The following ARHGAP26 variants were observed in gnomAD, a reference collection of about 807,000 sequenced individuals.
ARHGAP26 encodes the protein rho GTPase-activating protein 26.
In ARHGAP26, 38 loss-of-function variants were observed where a neutral mutation model predicts 104.8. That is an observed-to-expected ratio of 0.36 (90% CI 0.28 to 0.48). The LOEUF (loss-of-function observed/expected upper bound fraction) is 0.48, where lower values mean the gene tolerates loss of function less well. Among genes scored for constraint, ARHGAP26 ranks in the 20% least tolerant of loss-of-function variants. ARHGAP26 has a pLI of 0.99. For synonymous variants in ARHGAP26, 341 were observed against 340.0 expected (o/e 1.00, Z -0.03); for missense variants, 704 against 947.9 (o/e 0.74, Z 3.38).
chr5:143,176,855 T>C (rs181464162), intron 20 of ARHGAP26, among the ~76,000 whole-genome samples: 107 of 152,332 alleles, frequency 7.0e-4, no homozygotes, highest in African/African-American at 2.5e-3. Context: ...CAGCTCATAA[T>C]CTCAGAATCC....
chr5:143,014,170 A>C, intron 12 of ARHGAP26, 54 bp downstream of exon 12: 1 of 1,598,508 alleles, frequency 6.3e-7, no homozygotes, highest in Non-Finnish European at 8.6e-7. Flanking sequence ...GTAGGCTTTG[A>C]GAAGTTGCTA....
At chr5:143,019,152 A>G (rs181638571) in intron 12 of ARHGAP26, among the ~76,000 whole-genome samples, 145 of 152,312 alleles carry the variant, frequency 9.5e-4, no homozygotes, top group African/African-American at 3.3e-3. Flanking sequence ...TCAGGAATCT[A>G]TATCAGTGAC....
intron 1 of ARHGAP26, among the ~76,000 whole-genome samples, chr5:142,785,977 ATTT>A (rs71576155): frequency 4.3e-5 from 6 of 138,444 alleles, no homozygotes; most frequent in African/African-American, 1.1e-4. Flanking sequence ...GATCCCTGGT[ATTT>A]TTTTTTTTTT....
At chr5:142,894,087 A>AAT in intron 5 of ARHGAP26, 151 bp from the exon 6 acceptor site, 1 of 591,792 alleles carries the variant, frequency 1.7e-6, no homozygotes, top group East Asian at 2.8e-5. Context: ...TGCATAGTGA[A>AAT]ATAGTTACTA....
At chr5:142,945,302 G>C (rs1341202844) in intron 11 of ARHGAP26, among the ~76,000 whole-genome samples, 1 of 152,206 alleles carries the variant, frequency 6.6e-6, no homozygotes, top group African/African-American at 2.4e-5. Flanking sequence ...TCTCAGAGAA[G>C]AGATGGAAGA....
At chr5:143,182,739 G>A (rs35596823) in intron 20 of ARHGAP26, among the ~76,000 whole-genome samples, 6,890 of 152,244 alleles carry the variant, frequency 0.045, 499 homozygotes, top group African/African-American at 0.16. Context: ...TGCTCTATGT[G>A]TGTGGTGGCC....
chr5:143,042,488 A>G (rs1465893490), intron 14 of ARHGAP26, among the ~76,000 whole-genome samples: 1 of 152,236 alleles, frequency 6.6e-6, no homozygotes, highest in African/African-American at 2.4e-5. Flanking sequence ...GCAGTATTTG[A>G]ATCAAAAGCC....
intron 1 of ARHGAP26, among the ~76,000 whole-genome samples, chr5:142,820,928 C>G (rs1380064006): frequency 2.0e-5 from 3 of 152,206 alleles, no homozygotes; most frequent in African/African-American, 4.8e-5. Context: ...GACTAGCCTT[C>G]TGTCCCTCCA....
At chr5:142,933,260 T>A (rs926156180) in intron 11 of ARHGAP26, among the ~76,000 whole-genome samples, 4 of 152,228 alleles carry the variant, frequency 2.6e-5, no homozygotes, top group African/African-American at 9.6e-5. Flanking sequence ...TATCTACCAT[T>A]TGTTGAGCAC....
At chr5:142,925,966 G>T (rs902877557) in intron 10 of ARHGAP26, among the ~76,000 whole-genome samples, 3 of 152,160 alleles carry the variant, frequency 2.0e-5, no homozygotes, top group Non-Finnish European at 2.9e-5. Flanking sequence ...GCTTTTCCTT[G>T]TCCAATAGGA....
At chr5:142,906,214 C>T (rs1001989717) in intron 8 of ARHGAP26, among the ~76,000 whole-genome samples, 3 of 152,188 alleles carry the variant, frequency 2.0e-5, no homozygotes, top group Non-Finnish European at 1.5e-5. Flanking sequence ...AAATTTTGAT[C>T]ACCCAGTCAA....
At chr5:143,094,396 G>A (rs757185459) in intron 17 of ARHGAP26, among the ~76,000 whole-genome samples, 19 of 152,126 alleles carry the variant, frequency 1.2e-4, no homozygotes, top group Non-Finnish European at 2.1e-4. Flanking sequence ...CACTGGGTGG[G>A]TCTTGATTTC....
At chr5:142,909,777 C>T (rs1410970610) in intron 9 of ARHGAP26, among the ~76,000 whole-genome samples, 3 of 152,148 alleles carry the variant, frequency 2.0e-5, no homozygotes, top group Non-Finnish European at 2.9e-5. Flanking sequence ...AGCCTTAGTC[C>T]CTTCCCAATT....
intron 1 of ARHGAP26, among the ~76,000 whole-genome samples, chr5:142,778,363 AC>A (rs1561823413): frequency 6.6e-6 from 1 of 152,266 alleles, no homozygotes; most frequent in Non-Finnish European, 1.5e-5. Flanking sequence ...ATAGACGTAT[AC>A]AGTGTAAAAG....
At chr5:142,811,721 G>C (rs2152024188) in intron 1 of ARHGAP26, among the ~76,000 whole-genome samples, 1 of 152,304 alleles carries the variant, frequency 6.6e-6, no homozygotes, top group East Asian at 1.9e-4. Flanking sequence ...TACAGAGCCT[G>C]CTTATTAGCA....
At chr5:142,954,403 C>G (rs1445643426) in intron 11 of ARHGAP26, among the ~76,000 whole-genome samples, 1 of 152,234 alleles carries the variant, frequency 6.6e-6, no homozygotes, top group Non-Finnish European at 1.5e-5. Flanking sequence ...TACCTGTACT[C>G]TGTGTTATAA....
intron 1 of ARHGAP26, among the ~76,000 whole-genome samples, chr5:142,802,233 G>C (rs950379457): frequency 6.6e-6 from 1 of 152,154 alleles, no homozygotes; most frequent in South Asian, 2.1e-4. Context: ...TTCAGATTTC[G>C]TTTTCATTTT....
At chr5:142,956,481 G>A (rs1769259567) in intron 11 of ARHGAP26, among the ~76,000 whole-genome samples, 1 of 152,148 alleles carries the variant, frequency 6.6e-6, no homozygotes, top group Non-Finnish European at 1.5e-5. Flanking sequence ...GGAAGCTGAG[G>A]CGGGAGGATT....
At chr5:143,138,076 T>G (rs1165326462) in intron 19 of ARHGAP26, among the ~76,000 whole-genome samples, 1 of 152,240 alleles carries the variant, frequency 6.6e-6, no homozygotes, top group African/African-American at 2.4e-5. Flanking sequence ...AGACCAGTTG[T>G]GTGCCCAGGT....
Sources: gnomAD v4.1 joint callset for allele counts (sites outside exome capture counted in the v4.1 genomes callset) on GRCh38, gnomAD v4.1.1 for gene constraint, MANE v1.5 for transcripts, NCBI Gene and HGNC (gene_info 2026-07-23, HGNC 2026-07-21) for gene names.